The following ZNF554 variants were observed in gnomAD, a reference collection of about 807,000 sequenced individuals.
The protein encoded by ZNF554 is zinc finger protein 554.
A neutral mutation model predicts 21.2 loss-of-function variants in ZNF554; 15 were observed. The observed-to-expected ratio is 0.71, with a 90% confidence interval of 0.47 to 1.09. The LOEUF (loss-of-function observed/expected upper bound fraction) is 1.09. Among genes scored for constraint, ZNF554 ranks in the 50% least tolerant of loss-of-function variants. The pLI is 0.00. For synonymous variants in ZNF554, 258 were observed against 251.4 expected, an observed-to-expected ratio of 1.03 and a Z score of -0.25; for missense variants, 691 against 662.7, an observed-to-expected ratio of 1.04 and a Z score of -0.47.
Position 2,824,582 on chromosome 19 carries a change from A to G in ZNF554, c.126+1470A>G, listed in dbSNP as rs534914414. On this transcript the variant is annotated intron_variant, in intron 2 of 4. Coordinates refer to ENST00000317243, the MANE Select transcript of ZNF554 (RefSeq NM_001102651.2). ...GTGATAAAACACACATGAAATACAT[A>G]TGAACTTTACCATCTTAGCCGTTGA... is the stretch of plus-strand genomic sequence containing the variant. 2.6e-5 allele frequency among the ~76,000 whole-genome samples: 4 copies of G among 152,372 alleles called. No homozygotes were observed. The South Asian group carries it at 8.3e-4, about 32-fold the overall frequency.
At chr19:2,824,217 G>A (rs144140567) in intron 2 of ZNF554, among the ~76,000 whole-genome samples, 3 of 152,304 alleles carry the variant, frequency 2.0e-5, no homozygotes, top group Middle Eastern at 3.4e-3. Context: ...GGAGGAGGCA[G>A]GGCTCTCACT....
At chr19:2,828,976 G>A (rs1005857130) in intron 3 of ZNF554, among the ~76,000 whole-genome samples, 4 of 152,058 alleles carry the variant, frequency 2.6e-5, no homozygotes, top group Non-Finnish European at 4.4e-5. Context: ...GATTTGGGTC[G>A]GGAGACAGCT....
chr19:2,828,845 T>A lies in ZNF554; in HGVS notation c.253+1102T>A, dbSNP rs186509180. ...GGAAACCTTATAAAACCATCAGATC[T>A]CATGAGAACTCACTATCACGAGAAC... On this transcript the variant is annotated intron_variant, in intron 3 of 4. Coordinates refer to ENST00000317243, the MANE Select transcript of ZNF554 (RefSeq NM_001102651.2). Among the ~76,000 whole-genome samples, 3 of 152,060 alleles carry A rather than the reference T, an allele frequency of 2.0e-5. No homozygotes were observed. The East Asian group carries it at 5.8e-4, about 29-fold the overall frequency.
rs1343489828 is a variant in ZNF554, at chr19:2,834,244, C to T, written c.1009C>T (p.His337Tyr). ...HQCGKVFNRR[H>Y]SLSEHQRIHT... ...GTGTGGGAAGGTGTTCAACCGGAGG[C>T]ATTCTTTGAGCGAACATCAAAGAAT... The change falls in exon 5 of 5, where the codon CAT becomes TAT. Residue 337 changes from histidine (H) to tyrosine (Y), a missense_variant. His to Tyr is a moderately conservative substitution (Grantham distance 83). Coordinates refer to ENST00000317243, the MANE Select transcript of ZNF554 (RefSeq NM_001102651.2). 8.7e-6 allele frequency: 14 copies of T among 1,613,964 alleles called. No homozygotes were observed. The highest frequency in any genetic ancestry group is 1.2e-5 in the Non-Finnish European group (14 of 1,180,050).
rs2144825028 is a variant in ZNF554, at chr19:2,833,828, G to T, written c.593G>T (p.Gly198Val). ...QLEDSHEDPQ[G>V]LLSQKASLHV... ...GAGGACAGCCATGAAGACCCCCAGG[G>T]GCTTTTGAGCCAAAAGGCATCCCTT... Residue 198 changes from glycine to valine, a missense_variant, in exon 5 of 5, where the codon GGG (glycine) becomes GTG (valine). Gly to Val is a moderately radical substitution (Grantham distance 109). Transcript: ENST00000317243. The T allele has an allele frequency of 6.2e-7, 1 of 1,612,852 alleles. No homozygotes were observed. The highest frequency in any genetic ancestry group is 2.2e-5 in the East Asian group (1 of 44,856).
rs1016913695 is a variant in ZNF554 at position 2,836,631 on chromosome 19, T to C, written c.*1779T>C. Among the ~76,000 whole-genome samples, 3 of 152,216 alleles carry C rather than the reference T, an allele frequency of 2.0e-5. No homozygotes were observed. Among genetic ancestry groups the C allele is most frequent in the African/African-American group, 4.8e-5 (2 of 41,450 alleles). On this transcript the variant is annotated 3_prime_UTR_variant, in exon 5 of 5. Coordinates refer to ENST00000317243, the MANE Select transcript of ZNF554 (RefSeq NM_001102651.2). ...TGGGGTGTTCCAATTATGTGTGATT[T>C]TGTGTTTTCTGCCGTTTCATTTTGT...
At chr19:2,832,237 T>C in intron 3 of ZNF554, 66 bp from the exon 4 acceptor site, 1 of 1,481,714 alleles carries the variant, frequency 6.7e-7, no homozygotes, top group South Asian at 1.4e-5. Flanking sequence ...AGATCTGTAA[T>C]TTTTTAACTA....
Position 2,834,812 on chromosome 19 carries a change from G to C in ZNF554, c.1577G>C (p.Gly526Ala). 6.2e-7 allele frequency: 1 copy of C among 1,605,788 alleles called. No homozygotes were observed. Among genetic ancestry groups the C allele is most frequent in the African/African-American group, 1.3e-5 (1 of 74,756 alleles). Residue 526 changes from glycine to alanine, a missense_variant, in exon 5 of 5, where the codon GGG becomes GCG. By Grantham distance (60) the Gly-to-Ala change is moderately conservative. Coordinates refer to ENST00000317243, the MANE Select transcript of ZNF554 (RefSeq NM_001102651.2). ...AAAACCTATAAAATCATTGACTGTG[G>C]GAAAGCGTTCTACCAGAACAGACAT... is the stretch of plus-strand genomic sequence containing the variant. ...SQKTYKIIDC[G>A]KAFYQNRHLI...
In ZNF554 at chr19:2,836,567, G is replaced by A. The variant is rs78380586; in HGVS notation, c.*1715G>A. The stretch of plus-strand genomic sequence containing the variant: ...ATCCATTCACAAAAGGACAAAGGCT[G>A]GACAGAGACGTGAAGAAATGAATCA... On this transcript the variant is annotated 3_prime_UTR_variant, in exon 5 of 5. Coordinates refer to ENST00000317243, the MANE Select transcript of ZNF554 (RefSeq NM_001102651.2). 4.4e-3 allele frequency among the ~76,000 whole-genome samples: 669 copies of A among 152,334 alleles called. 5 individuals carry two copies. Among genetic ancestry groups the A allele is most frequent in the African/African-American group, 0.015 (644 of 41,560 alleles).
At chr19:2,829,963 C>T (rs1479051524) in intron 3 of ZNF554, among the ~76,000 whole-genome samples, 2 of 151,968 alleles carry the variant, frequency 1.3e-5, no homozygotes, top group Non-Finnish European at 1.5e-5. Context: ...CTCGCTCTGT[C>T]GCCCAGGCTG....
intron 1 of ZNF554, among the ~76,000 whole-genome samples, chr19:2,822,439 T>C (rs2087276538): frequency 6.6e-6 from 1 of 152,168 alleles, no homozygotes; most frequent in Admixed American, 6.5e-5. Flanking sequence ...TTCCTGTTAT[T>C]TTAAGCCCCC....
intron 3 of ZNF554, among the ~76,000 whole-genome samples, chr19:2,829,251 T>C (rs777967218): frequency 1.3e-5 from 2 of 152,058 alleles, no homozygotes; most frequent in Non-Finnish European, 2.9e-5. Context: ...CCCAGCTACT[T>C]GGGAGGTCGA....
rs775319479 is a variant in ZNF554, at chr19:2,827,633, AGGACGTGTCCAT to A, written c.148_159del (p.Val50_Asp53del). 11 of 1,613,628 alleles carry A rather than the reference AGGACGTGTCCAT, an allele frequency of 6.8e-6. No individual in the cohort carries two copies. In the South Asian group the frequency reaches 1.1e-4, roughly 16 times the overall value. On this transcript the variant is annotated inframe_deletion, in exon 3 of 5. Coordinates refer to ENST00000317243, the MANE Select transcript of ZNF554 (RefSeq NM_001102651.2). ...ATATTCTAGGAATTAGTAACCTTTG[AGGACGTGTCCAT>A]GGACTTCTCCCAGGAGGAGTGGGAG...
At chr19:2,827,493 A>C (rs539152755) in intron 2 of ZNF554, 124 bp from the exon 3 acceptor site, 7 of 1,240,358 alleles carry the variant, frequency 5.6e-6, no homozygotes, top group Admixed American at 5.5e-5. Flanking sequence ...GCTAGTAGAA[A>C]CTGACTTATG....
At chr19:2,832,520 T>G in intron 4 of ZNF554, 26 bp downstream of exon 4, 1 of 1,563,596 alleles carries the variant, frequency 6.4e-7, no homozygotes, top group Non-Finnish European at 8.6e-7. Context: ...ATAGAAACCA[T>G]TGGGATGGCA....
At position 2,834,292 on chromosome 19, in the gene ZNF554, G is replaced by T. The variant is rs776258360; in HGVS notation, c.1057G>T (p.Glu353Ter). ...AATTCACACGGGGGAGAAACCCTACGAGTGTCAGGAGTGTGGGCGAGCCTT... is the reference window on the plus strand; with the variant it reads ...AATTCACACGGGGGAGAAACCCTACTAGTGTCAGGAGTGTGGGCGAGCCTT... ...QRIHTGEKPY[E>*]CQECGRAFTH... is the part of the protein sequence containing the mutation. The change falls in exon 5 of 5, where the codon GAG (glutamate) becomes TAG (stop). Residue 353 changes from glutamate (E) to a stop codon, truncating the protein, a stop_gained. Transcript: ENST00000317243. LOFTEE classifies it low-confidence loss of function (END_TRUNC). 1.2e-6 allele frequency: 2 copies of T among 1,613,984 alleles called. No individual in the cohort carries two copies. Among genetic ancestry groups the T allele is most frequent in the Non-Finnish European group, 1.7e-6 (2 of 1,179,994 alleles).
chr19:2,824,734 T>C (rs1426121107), intron 2 of ZNF554, among the ~76,000 whole-genome samples: 2 of 152,156 alleles, frequency 1.3e-5, no homozygotes, highest in Non-Finnish European at 2.9e-5. Flanking sequence ...AACTTTACCG[T>C]CTTAGCCGTT....
rs1455412482 is a variant in ZNF554 at position 2,821,644 on chromosome 19, C to T, written c.54-1396C>T. Among the ~76,000 whole-genome samples, 2 of 151,764 alleles carry T rather than the reference C, an allele frequency of 1.3e-5. No homozygotes were observed. Among genetic ancestry groups the T allele is most frequent in the Non-Finnish European group, 2.9e-5 (2 of 67,996 alleles). On this transcript the variant is annotated intron_variant, in intron 1 of 4. Transcript: ENST00000317243. The surrounding 1 kb of genome is among the most constrained non-coding windows in gnomAD (Gnocchi z 8.2). ...CCTGCATCATCATGTGGCCTTCTTC[C>T]CTGTGTCTCTTTCTCCTTTTTTGTT...
At chr19:2,823,135 A>T in intron 2 of ZNF554, 23 bp downstream of exon 2, 3 of 1,607,624 alleles carry the variant, frequency 1.9e-6, no homozygotes, top group Non-Finnish European at 2.6e-6. Context: ...CATTCTCCCA[A>T]AGGGCACCCA....
Sources: allele counts gnomAD v4.1 joint callset (sites outside exome capture counted in the v4.1 genomes callset), GRCh38; gene constraint gnomAD v4.1.1; non-coding constraint Gnocchi (gnomAD v3.1); transcripts MANE v1.5; gene names NCBI Gene and HGNC (gene_info 2026-07-23, HGNC 2026-07-21).